KHDRBS2: variants seen among roughly 807,000 people sequenced by gnomAD.
KHDRBS2 encodes KH RNA binding domain containing, signal transduction associated 2.
Under a neutral mutation model 44.3 loss-of-function variants are expected in KHDRBS2, and 26 were observed. The ratio of observed to expected loss-of-function variants is 0.59; its 90% CI spans 0.43 to 0.81. KHDRBS2 has a LOEUF of 0.81. Among genes scored for constraint, KHDRBS2 ranks in the 40% least tolerant of loss-of-function variants. The pLI is 0.00. For synonymous variants in KHDRBS2, 194 were observed against 151.1 expected (o/e 1.28, Z -2.08); for missense variants, 476 against 433.1 (o/e 1.10, Z -0.88).
chr6:61,628,162 C>G, the KHDRBS2 span, among the ~76,000 whole-genome samples: 1 of 146,248 alleles, frequency 6.8e-6, no homozygotes, highest in South Asian at 2.2e-4. Flanking sequence ...TCCCATAAAC[C>G]TCTTATGTGC....
intron 1 of KHDRBS2, among the ~76,000 whole-genome samples, chr6:62,196,758 G>A (rs1186309024): frequency 6.6e-6 from 1 of 152,064 alleles, no homozygotes; most frequent in African/African-American, 2.4e-5. Context: ...TGGTTTGGGG[G>A]CCAAACAGGC....
chr6:62,271,699 A>G (rs1840116076), intron 1 of KHDRBS2, among the ~76,000 whole-genome samples: 1 of 152,064 alleles, frequency 6.6e-6, no homozygotes, highest in Non-Finnish European at 1.5e-5. Flanking sequence ...TAATGTGTGT[A>G]GCTGGGTCTT....
intron 1 of KHDRBS2, among the ~76,000 whole-genome samples, chr6:62,225,937 T>C (rs908057018): frequency 3.3e-5 from 5 of 152,236 alleles, no homozygotes; most frequent in African/African-American, 4.8e-5. Flanking sequence ...CAGTGTATCA[T>C]TGAAGGGCAT....
At chr6:61,787,732 T>A (rs77826011) in intron 6 of KHDRBS2, among the ~76,000 whole-genome samples, 1 of 151,676 alleles carries the variant, frequency 6.6e-6, no homozygotes, top group East Asian at 1.9e-4. Flanking sequence ...TATTTCCTGG[T>A]TTCTTCCAAT....
chr6:62,178,158 A>T (rs1192181049), intron 1 of KHDRBS2, among the ~76,000 whole-genome samples: 1 of 151,464 alleles, frequency 6.6e-6, no homozygotes, highest in East Asian at 1.9e-4. Flanking sequence ...TAAGAATACA[A>T]AGGAGACTCA....
At chr6:61,878,540 C>T (rs1583298230) in intron 6 of KHDRBS2, among the ~76,000 whole-genome samples, 3 of 151,958 alleles carry the variant, frequency 2.0e-5, no homozygotes, top group African/African-American at 7.2e-5. Flanking sequence ...AGAGCTAGAC[C>T]GCTGGTTTTG....
At chr6:62,112,805 A>G (rs1805313407) in intron 2 of KHDRBS2, among the ~76,000 whole-genome samples, 2 of 152,150 alleles carry the variant, frequency 1.3e-5, no homozygotes, top group Non-Finnish European at 2.9e-5. Context: ...GCGATATAAT[A>G]TTGTTAGAAT....
chr6:61,944,854 G>GC (rs1812873874), intron 4 of KHDRBS2, among the ~76,000 whole-genome samples: 1 of 151,580 alleles, frequency 6.6e-6, no homozygotes, highest in Non-Finnish European at 1.5e-5. Flanking sequence ...ACTTTGGGAG[G>GC]CAGAGACAGG....
Position 61,703,834 on chromosome 6 carries a change from C to A in KHDRBS2, c.894-6581G>T, listed in dbSNP as rs551132722. On this transcript the variant is annotated intron_variant, in intron 7 of 8. Coordinates refer to ENST00000281156, the MANE Select transcript of KHDRBS2 (RefSeq NM_152688.4). The stretch of plus-strand genomic sequence containing the variant: ...GAATGGGAAACCTTTCACCAAATAG[C>A]TCAAGACTCCACAACTTCCATCCAC... Among the ~76,000 whole-genome samples, 51 of 151,978 alleles carry A rather than the reference C, an allele frequency of 3.4e-4. 1 individual carries two copies. In the South Asian group the frequency reaches 0.01, roughly 31 times the overall value.
chr6:61,847,230 ATTTC>A (rs1794548843), intron 6 of KHDRBS2, among the ~76,000 whole-genome samples: 1 of 152,082 alleles, frequency 6.6e-6, no homozygotes, highest in African/African-American at 2.4e-5. Flanking sequence ...AAGGGAAGAG[ATTTC>A]TTTCTTCTCC....
the KHDRBS2 span, among the ~76,000 whole-genome samples, chr6:61,621,677 C>T: frequency 5.3e-5 from 8 of 152,200 alleles, no homozygotes; most frequent in South Asian, 1.2e-3. Context: ...CAATGATCCA[C>T]GTTCTTGTAT....
chr6:61,618,173 A>G, the KHDRBS2 span, among the ~76,000 whole-genome samples: 1 of 152,152 alleles, frequency 6.6e-6, no homozygotes, highest in South Asian at 2.1e-4. Flanking sequence ...TCAATTAATC[A>G]ACAAATAGAG....
rs546205145 is a variant in KHDRBS2 at position 61,714,732 on chromosome 6, T to C, written c.894-17479A>G. On this transcript the variant is annotated intron_variant, in intron 7 of 8. Coordinates refer to ENST00000281156, the MANE Select transcript of KHDRBS2 (RefSeq NM_152688.4). ...TACTCATCCATAAAAAAGAATGAAA[T>C]CATGTATTTTGCAACAACATGGATG... is the stretch of plus-strand genomic sequence containing the variant. 1.6e-4 allele frequency among the ~76,000 whole-genome samples: 24 copies of C among 151,982 alleles called. 1 individual carries two copies. The highest frequency in any genetic ancestry group is 5.5e-4 in the African/African-American group (23 of 41,510).
At chr6:61,961,442 AAG>A (rs3076265) in intron 4 of KHDRBS2, among the ~76,000 whole-genome samples, 19,530 of 151,784 alleles carry the variant, frequency 0.13, 1,742 homozygotes, top group Non-Finnish European at 0.16. Context: ...GAAAGAAAGA[AAG>A]AGAAAAAAAG....
intron 2 of KHDRBS2, among the ~76,000 whole-genome samples, chr6:62,078,477 C>T (rs556418386): frequency 1.3e-5 from 2 of 151,810 alleles, no homozygotes; most frequent in Admixed American, 1.3e-4. Flanking sequence ...GATTTTACCT[C>T]TAGGAAGGGA....
At chr6:61,581,299 A>G in the KHDRBS2 span, among the ~76,000 whole-genome samples, 1 of 152,134 alleles carries the variant, frequency 6.6e-6, no homozygotes, top group African/African-American at 2.4e-5. Context: ...TGGTGGTTTA[A>G]TTCTTCTGAG....
chr6:62,048,975 C>G (rs1026664430), intron 2 of KHDRBS2, among the ~76,000 whole-genome samples: 2 of 149,662 alleles, frequency 1.3e-5, no homozygotes, highest in East Asian at 3.9e-4. Context: ...CTCTTCCCTT[C>G]TCTTCTCTTC....
the KHDRBS2 span, among the ~76,000 whole-genome samples, chr6:61,611,293 A>G: frequency 6.6e-6 from 1 of 152,196 alleles, no homozygotes; most frequent in Admixed American, 6.5e-5. Context: ...TATTGCATAT[A>G]CTGGTATACA....
intron 2 of KHDRBS2, among the ~76,000 whole-genome samples, chr6:62,140,233 T>C (rs1182755044): frequency 6.6e-6 from 1 of 152,208 alleles, no homozygotes; most frequent in Non-Finnish European, 1.5e-5. Context: ...CAATGTTTGG[T>C]TCATTGTAAG....
Sources: gnomAD v4.1 joint callset for allele counts (sites outside exome capture counted in the v4.1 genomes callset) on GRCh38, gnomAD v4.1.1 for gene constraint, MANE v1.5 for transcripts, NCBI Gene and HGNC (gene_info 2026-07-23, HGNC 2026-07-21) for gene names.